Variants in TNFAIP8L3 observed in about 807,000 individuals in gnomAD.
TNFAIP8L3 encodes the protein tumor necrosis factor alpha-induced protein 8-like protein 3.
In TNFAIP8L3, 7 loss-of-function variants were observed where a neutral mutation model predicts 11.8. That is an observed-to-expected ratio of 0.59 (90% CI 0.34 to 1.11). The LOEUF (loss-of-function observed/expected upper bound fraction) is 1.11. TNFAIP8L3 is among the 50% of genes most tolerant of loss of function. TNFAIP8L3 has a pLI of 0.03. For missense variants in TNFAIP8L3, 219 were observed against 258.6 expected (o/e 0.85, Z 1.05); for synonymous variants, 98 against 103.8 (o/e 0.94, Z 0.34).
chr15:51,057,791 AG>A lies in TNFAIP8L3; in HGVS notation c.*89del. On this transcript the variant is annotated 3_prime_UTR_variant, in exon 2 of 2. Coordinates refer to ENST00000637513, the MANE Select transcript of TNFAIP8L3 (RefSeq NM_001311175.2). ...GGAAAGAACATGGACATCTTTGACA[AG>A]GGTTTCTGCTTATGTTCTTGATTCT... is the stretch of plus-strand genomic sequence containing the variant. The A allele has an allele frequency of 8.8e-7, 1 of 1,131,262 alleles. No individual in the cohort carries two copies. The highest frequency in any genetic ancestry group is 1.3e-6 in the Non-Finnish European group (1 of 793,380). 70.1% of individuals were successfully genotyped at this position (1,131,262 alleles called of 1,614,324 possible).
At chr15:51,102,432 C>G (rs548640887) in intron 1 of TNFAIP8L3, among the ~76,000 whole-genome samples, 47 of 152,268 alleles carry the variant, frequency 3.1e-4, no homozygotes, top group African/African-American at 1.0e-3. Flanking sequence ...AAATATCGCT[C>G]GCCAAGTGTT....
upstream of TNFAIP8L3, among the ~76,000 whole-genome samples, chr15:51,097,538 T>C (rs946955261): frequency 6.6e-5 from 10 of 152,216 alleles, no homozygotes; most frequent in African/African-American, 2.4e-4. Context: ...AGACATAGAA[T>C]GAAAAATTGA....
chr15:51,089,941 A>G (rs925833401), intron 1 of TNFAIP8L3, among the ~76,000 whole-genome samples: 15 of 152,224 alleles, frequency 9.9e-5, no homozygotes, highest in Non-Finnish European at 1.5e-5. Context: ...AGGCCAGCCC[A>G]TTTATCTTCA....
intron 1 of TNFAIP8L3, among the ~76,000 whole-genome samples, chr15:51,071,738 A>G (rs2140969425): frequency 6.6e-6 from 1 of 152,372 alleles, no homozygotes; most frequent in Non-Finnish European, 1.5e-5. Context: ...CTGCAGCAGC[A>G]AGGGCTGCCA....
At chr15:51,086,676 G>A (rs1227043966) in intron 1 of TNFAIP8L3, among the ~76,000 whole-genome samples, 1 of 152,096 alleles carries the variant, frequency 6.6e-6, no homozygotes, top group East Asian at 1.9e-4. Flanking sequence ...ATAAATTGGG[G>A]CTATTTATAG....
intron 1 of TNFAIP8L3, among the ~76,000 whole-genome samples, chr15:51,084,746 G>A (rs1438211072): frequency 6.6e-6 from 1 of 152,164 alleles, no homozygotes; most frequent in Admixed American, 6.5e-5. Context: ...GGGGTCCGGG[G>A]CCTTTAGAAG....
At chr15:51,072,660 C>A (rs554141005) in intron 1 of TNFAIP8L3, among the ~76,000 whole-genome samples, 1 of 151,992 alleles carries the variant, frequency 6.6e-6, no homozygotes, top group Non-Finnish European at 1.5e-5. Flanking sequence ...TTTCTCCCCA[C>A]GATTTATTCT....
At position 51,058,419 on chromosome 15, in the gene TNFAIP8L3, C is replaced by G. The variant is rs2065220809; in HGVS notation, c.77G>C (p.Ser26Thr). Reference protein sequence around the residue: ...AAGPDVFSSKSLALQAQKKIL... With the variant: ...AAGPDVFSSKTLALQAQKKIL... ...CTTCTTCTGGGCTTGAAGCGCAAGA[C>G]TCTTTGAACTAAAAACATCAGGACC... Residue 26 changes from serine to threonine, a missense_variant, in exon 2 of 2, where the codon AGT becomes ACT. Ser to Thr is a moderately conservative substitution (Grantham distance 58, BLOSUM62 1). Transcript: ENST00000637513. The G allele has an allele frequency of 1.3e-6, 2 of 1,592,900 alleles. No homozygotes were observed. The highest frequency in any genetic ancestry group is 2.3e-5 in the South Asian group (2 of 88,054).
At chr15:51,092,155 A>T (rs2065475965) in intron 1 of TNFAIP8L3, among the ~76,000 whole-genome samples, 1 of 152,216 alleles carries the variant, frequency 6.6e-6, no homozygotes, top group African/African-American at 2.4e-5. Context: ...TAAATTCAGG[A>T]AATGGAAAGG....
At chr15:51,098,662 C>T (rs1273766769), upstream of TNFAIP8L3, among the ~76,000 whole-genome samples, 1 of 152,152 alleles carries the variant, frequency 6.6e-6, no homozygotes. Flanking sequence ...TTGGAAAATA[C>T]ATATAAACAA....
intron 1 of TNFAIP8L3, among the ~76,000 whole-genome samples, chr15:51,082,820 A>G (rs968024835): frequency 3.3e-5 from 5 of 152,358 alleles, no homozygotes; most frequent in Admixed American, 6.5e-5. Context: ...AAGATCGTCA[A>G]AACATCATCA....
intron 1 of TNFAIP8L3, among the ~76,000 whole-genome samples, chr15:51,075,893 A>G (rs919993949): frequency 1.3e-5 from 2 of 152,216 alleles, no homozygotes; most frequent in Non-Finnish European, 2.9e-5. Context: ...CTTAACAACA[A>G]CTAGACAAAC....
intron 1 of TNFAIP8L3, among the ~76,000 whole-genome samples, chr15:51,086,505 G>T (rs1299708910): frequency 1.3e-5 from 2 of 152,232 alleles, no homozygotes; most frequent in African/African-American, 2.4e-5. Flanking sequence ...TGGGAGCTGT[G>T]TGGGGGATGC....
intron 1 of TNFAIP8L3, among the ~76,000 whole-genome samples, chr15:51,058,760 T>C (rs1421629393): frequency 6.6e-6 from 1 of 152,230 alleles, no homozygotes; most frequent in African/African-American, 2.4e-5. Flanking sequence ...CTGATTCTAC[T>C]AGCTCACAGA....
At chr15:51,071,060 A>AAAAAAAAAAAAAAG (rs2065305798) in intron 1 of TNFAIP8L3, among the ~76,000 whole-genome samples, 1 of 150,334 alleles carries the variant, frequency 6.7e-6, no homozygotes, top group African/African-American at 2.4e-5. Flanking sequence ...CAAAAAAAAA[A>AAAAAAAAAAAAAAG]AAAAAAAAAA....
intron 1 of TNFAIP8L3, among the ~76,000 whole-genome samples, chr15:51,087,064 T>G (rs1369978072): frequency 2.6e-5 from 4 of 152,166 alleles, no homozygotes; most frequent in Admixed American, 2.6e-4. Flanking sequence ...AATTTTTGTA[T>G]TTTTAGTAGA....
chr15:51,060,447 T>A (rs1469475679), intron 1 of TNFAIP8L3, among the ~76,000 whole-genome samples: 1 of 152,112 alleles, frequency 6.6e-6, no homozygotes, highest in Non-Finnish European at 1.5e-5. Flanking sequence ...AAAAAATGAG[T>A]CATGGCTTTG....
At chr15:51,079,490 A>G (rs536895367) in intron 1 of TNFAIP8L3, among the ~76,000 whole-genome samples, 3 of 152,200 alleles carry the variant, frequency 2.0e-5, no homozygotes, top group Admixed American at 2.0e-4. Context: ...CATGGCTCTC[A>G]CTCATGACAT....
chr15:51,061,683 A>G (rs540882305), intron 1 of TNFAIP8L3, among the ~76,000 whole-genome samples: 1 of 152,312 alleles, frequency 6.6e-6, no homozygotes, highest in South Asian at 2.1e-4. Context: ...CAAAGGATGC[A>G]TATGAATTTA....
Sources: allele counts gnomAD v4.1 joint callset (sites outside exome capture counted in the v4.1 genomes callset), GRCh38; gene constraint gnomAD v4.1.1; transcripts MANE v1.5; gene names NCBI Gene and HGNC (gene_info 2026-07-23, HGNC 2026-07-21).